The following ITPR2 variants were observed in gnomAD, a reference collection of about 807,000 sequenced individuals.
The protein encoded by ITPR2 is inositol 1,4,5-trisphosphate receptor type 2.
A neutral mutation model predicts 317.1 loss-of-function variants in ITPR2; 207 were observed. The ratio of observed to expected loss-of-function variants is 0.65; its 90% CI spans 0.58 to 0.73. The LOEUF (loss-of-function observed/expected upper bound fraction) is 0.73. Ranked by LOEUF, ITPR2 falls within the 30% of genes least tolerant of loss-of-function variation. ITPR2 has a pLI of 0.00. For synonymous variants in ITPR2, 1,156 were observed against 1,149.1 expected (o/e 1.01, Z -0.12); for missense variants, 2,613 against 3,284.0 (o/e 0.80, Z 4.99).
At chr12:26,771,554 G>A (rs1412140010) in intron 2 of ITPR2, among the ~76,000 whole-genome samples, 4 of 152,016 alleles carry the variant, frequency 2.6e-5, no homozygotes, top group African/African-American at 7.3e-5. Context: ...TCCCTCTGTC[G>A]CCCAGGCTGG....
At chr12:26,535,166 C>T (rs1437316914) in intron 37 of ITPR2, among the ~76,000 whole-genome samples, 1 of 152,032 alleles carries the variant, frequency 6.6e-6, no homozygotes, top group African/African-American at 2.4e-5. Flanking sequence ...CAATTGTGTC[C>T]ATAAAAGTTG....
At chr12:26,374,232 T>A (rs1257625859) in intron 55 of ITPR2, among the ~76,000 whole-genome samples, 1 of 152,194 alleles carries the variant, frequency 6.6e-6, no homozygotes, top group Non-Finnish European at 1.5e-5. Flanking sequence ...CAGACAACAA[T>A]ATAGGAAGCC....
intron 1 of ITPR2, among the ~76,000 whole-genome samples, chr12:26,807,389 C>T (rs1274294738): frequency 3.9e-5 from 6 of 152,114 alleles, no homozygotes; most frequent in Admixed American, 2.0e-4. Context: ...CCTTTCCCAC[C>T]CAGAATCAAC....
intron 55 of ITPR2, among the ~76,000 whole-genome samples, chr12:26,354,508 G>C (rs1039885126): frequency 6.6e-6 from 1 of 152,130 alleles, no homozygotes; most frequent in African/African-American, 2.4e-5. Context: ...TGATTGTACT[G>C]TGTTTGCAGC....
At chr12:26,388,340 T>A (rs1052735070) in intron 54 of ITPR2, among the ~76,000 whole-genome samples, 8 of 152,222 alleles carry the variant, frequency 5.3e-5, no homozygotes, top group African/African-American at 1.9e-4. Flanking sequence ...AAGTGGGATG[T>A]TGGGATTCAG....
intron 9 of ITPR2, among the ~76,000 whole-genome samples, chr12:26,709,198 C>T (rs1436904649): frequency 6.6e-6 from 1 of 152,198 alleles, no homozygotes; most frequent in African/African-American, 2.4e-5. Context: ...GAACACTACA[C>T]AGAGCACCCA....
chr12:26,531,666 C>T (rs1943947436), intron 37 of ITPR2, among the ~76,000 whole-genome samples: 1 of 151,094 alleles, frequency 6.6e-6, no homozygotes, highest in Admixed American at 6.6e-5. Flanking sequence ...CACACACACA[C>T]ACACACACAC....
At position 26,683,084 on chromosome 12, in the gene ITPR2, C is replaced by G. The variant is rs12820334; in HGVS notation, c.1149-411G>C. 6.9e-3 allele frequency among the ~76,000 whole-genome samples: 1,058 copies of G among 152,274 alleles called. 5 individuals carry two copies. The highest frequency in any genetic ancestry group is 0.013 in the Admixed American group (198 of 15,298). On this transcript the variant is annotated intron_variant, in intron 11 of 56. Transcript: ENST00000381340. ...CAACTCAGCTAACACTGCTGGCAGA[C>G]AGTAGTGTAGTTTGTGTAGTTTAAT...
intron 9 of ITPR2, among the ~76,000 whole-genome samples, chr12:26,703,726 A>G (rs1450106848): frequency 6.6e-6 from 1 of 152,200 alleles, no homozygotes; most frequent in East Asian, 1.9e-4. Context: ...CTGTAAACTA[A>G]AATTATTGGA....
chr12:26,516,285 G>GGGAAAGGAAGGGAAA (rs1943504831), intron 37 of ITPR2, among the ~76,000 whole-genome samples: 1 of 42,854 alleles, frequency 2.3e-5, no homozygotes, highest in African/African-American at 1.2e-4. Context: ...GGGAAGGGAA[G>GGGAAAGGAAGGGAAA]GGAAAGGAAA....
intron 15 of ITPR2, among the ~76,000 whole-genome samples, chr12:26,660,734 C>T (rs1325556167): frequency 6.6e-6 from 1 of 152,066 alleles, no homozygotes; most frequent in Non-Finnish European, 1.5e-5. Context: ...ACTTTCATGA[C>T]TACTGTAGTC....
At chr12:26,461,150 T>C (rs912777347) in intron 45 of ITPR2, among the ~76,000 whole-genome samples, 4 of 152,176 alleles carry the variant, frequency 2.6e-5, no homozygotes, top group African/African-American at 9.7e-5. Flanking sequence ...AACCTCTACA[T>C]GTATGTCACT....
intron 15 of ITPR2, 91 bp downstream of exon 15, chr12:26,663,594 A>C: frequency 8.3e-7 from 1 of 1,201,760 alleles, no homozygotes. Flanking sequence ...GAAATTTCCC[A>C]TTCCTACTTT....
chr12:26,453,397 G>A lies in ITPR2; in HGVS notation c.6343-9747C>T, dbSNP rs539893697. Among the ~76,000 whole-genome samples, 82 of 152,260 alleles carry A rather than the reference G, an allele frequency of 5.4e-4. 2 individuals are homozygous for A. Among genetic ancestry groups the A allele is most frequent in the African/African-American group, 1.7e-3 (69 of 41,562 alleles). ...AAGTAATCATTATTGTAGTGTCCTA[G>A]TCAAAAGAGTTAAAACATTTCAGGG... On this transcript the variant is annotated intron_variant, in intron 45 of 56. Coordinates refer to ENST00000381340, the MANE Select transcript of ITPR2 (RefSeq NM_002223.4).
intron 11 of ITPR2, among the ~76,000 whole-genome samples, chr12:26,683,087 T>C (rs1350995027): frequency 6.6e-6 from 1 of 152,160 alleles, no homozygotes; most frequent in Non-Finnish European, 1.5e-5. Context: ...TGGCAGACAG[T>C]AGTGTAGTTT....
intron 21 of ITPR2, among the ~76,000 whole-genome samples, chr12:26,640,323 T>A (rs1946955800): frequency 6.6e-6 from 1 of 152,070 alleles, no homozygotes; most frequent in African/African-American, 2.4e-5. Context: ...TGTTTACCTA[T>A]GTAACAAACC....
intron 32 of ITPR2, among the ~76,000 whole-genome samples, chr12:26,581,133 A>T (rs1945394045): frequency 6.6e-6 from 1 of 152,140 alleles, no homozygotes; most frequent in African/African-American, 2.4e-5. Context: ...ATTTTTAAAA[A>T]TTTTCAATAA....
intron 2 of ITPR2, among the ~76,000 whole-genome samples, chr12:26,788,568 C>T (rs186522630): frequency 1.6e-4 from 25 of 152,246 alleles, no homozygotes; most frequent in Non-Finnish European, 2.6e-4. Context: ...CTACTCTGAA[C>T]TCAGTGTGCC....
rs540559427 is a variant in ITPR2 at position 26,807,329 on chromosome 12, A to G, written c.93-17102T>C. Among the ~76,000 whole-genome samples the G allele has an allele frequency of 8.5e-4, 129 of 152,382 alleles. 1 individual carries two copies. The highest frequency in any genetic ancestry group is 4.4e-3 in the Admixed American group (67 of 15,310). Reference sequence around the variant, plus strand: ...ATTCTATGTTCCACTGTAATAAAACAAAACACATAGGAAAGGATTTCAACA... The same window carrying G: ...ATTCTATGTTCCACTGTAATAAAACGAAACACATAGGAAAGGATTTCAACA... On this transcript the variant is annotated intron_variant, in intron 1 of 56. Coordinates refer to ENST00000381340, the MANE Select transcript of ITPR2 (RefSeq NM_002223.4).
Sources: allele counts gnomAD v4.1 joint callset (sites outside exome capture counted in the v4.1 genomes callset), GRCh38; gene constraint gnomAD v4.1.1; transcripts MANE v1.5; gene names NCBI Gene and HGNC (gene_info 2026-07-23, HGNC 2026-07-21).